DNAH9: variants seen among roughly 807,000 people sequenced by gnomAD.
DNAH9 encodes dynein axonemal heavy chain 9.
In DNAH9, 345 loss-of-function variants were observed where a neutral mutation model predicts 471.6. That is an observed-to-expected ratio of 0.73 (90% CI 0.67 to 0.80). The LOEUF (loss-of-function observed/expected upper bound fraction) is 0.80, where lower values mean the gene tolerates loss of function less well. Among genes scored for constraint, DNAH9 ranks in the 30% least tolerant of loss-of-function variants. The pLI is 0.00. For missense variants in DNAH9, 5,407 were observed against 5,609.2 expected (o/e 0.96, Z 1.15); for synonymous variants, 2,093 against 2,123.6 (o/e 0.99, Z 0.40).
intron 10 of DNAH9, among the ~76,000 whole-genome samples, chr17:11,643,268 CAT>C (rs1307324713): frequency 2.0e-5 from 3 of 152,200 alleles, no homozygotes; most frequent in African/African-American, 7.2e-5. Context: ...TGTGTTTACA[CAT>C]GTTATATGTA....
At chr17:11,894,262 T>C in intron 58 of DNAH9, 112 bp from the exon 59 acceptor site, 1 of 1,437,016 alleles carries the variant, frequency 7.0e-7, no homozygotes, top group Non-Finnish European at 9.5e-7. Context: ...CCAAAATTGA[T>C]GGGCAAACTA....
intron 57 of DNAH9, among the ~76,000 whole-genome samples, chr17:11,890,036 GA>G (rs1843249278): frequency 6.6e-6 from 1 of 152,166 alleles, no homozygotes; most frequent in South Asian, 2.1e-4. Context: ...TTAATATAAA[GA>G]AAACGCTAAA....
chr17:11,926,890 C>G (rs1486126597), intron 62 of DNAH9, among the ~76,000 whole-genome samples: 1 of 152,176 alleles, frequency 6.6e-6, no homozygotes, highest in East Asian at 1.9e-4. Context: ...TAAAAGGGTT[C>G]CTTTTTCTCC....
rs529159818 is a variant in DNAH9, at chr17:11,634,105, AC to A, written c.1635+1405del. Among the ~76,000 whole-genome samples the A allele has an allele frequency of 1.9e-3, 291 of 152,206 alleles. 1 individual carries two copies. The highest frequency in any genetic ancestry group is 4.2e-3 in the Admixed American group (64 of 15,294). ...CCTCTACTGAAGCAGCACTGCTTGT[AC>A]CCAGAGTTTCAGAGGGCTCATAAAA... On this transcript the variant is annotated intron_variant, in intron 8 of 68. Transcript: ENST00000262442.
chr17:11,941,849 T>C (rs190744724), intron 66 of DNAH9, among the ~76,000 whole-genome samples: 1 of 151,756 alleles, frequency 6.6e-6, no homozygotes, highest in Non-Finnish European at 1.5e-5. Context: ...TAGATAGATA[T>C]TGTATATAAC....
intron 11 of DNAH9, 121 bp from the exon 12 acceptor site, chr17:11,646,951 C>T (rs766097650): frequency 1.1e-4 from 106 of 933,526 alleles, no homozygotes; most frequent in Non-Finnish European, 1.6e-4. Flanking sequence ...CTCTCAGAAG[C>T]TGACCCAGCC....
chr17:11,851,663 AAGAG>A (rs1971425726), intron 49 of DNAH9, among the ~76,000 whole-genome samples: 1 of 152,156 alleles, frequency 6.6e-6, no homozygotes, highest in Non-Finnish European at 1.5e-5. Context: ...ACAGGGAAGG[AAGAG>A]AAAGTCCACA....
Position 11,883,746 on chromosome 17 carries a change from A to G in DNAH9, c.10967A>G (p.Lys3656Arg). 6.2e-7 allele frequency: 1 copy of G among 1,613,682 alleles called. No homozygotes were observed. The highest frequency in any genetic ancestry group is 2.2e-5 in the East Asian group (1 of 44,878). The change falls in exon 56 of 69, where the codon AAA (lysine) becomes AGA (arginine). Residue 3656 changes from lysine (K) to arginine (R), a missense_variant. Physicochemically the swap from Lys to Arg is conservative, Grantham distance 26. This residue lies in a region of DNAH9 where 4,636 missense variants were observed against 4,900.3 expected (regional missense o/e 0.95). Coordinates refer to ENST00000262442, the MANE Select transcript of DNAH9 (RefSeq NM_001372.4). ...ITKQTAAEVE[K>R]KVQEAKVTEV... is the part of the protein sequence containing the mutation. ...AAGCAGACTGCTGCCGAAGTTGAGA[A>G]AAAGGTAAAACTCCTCTGGCTAGTC...
At chr17:11,852,814 G>GTGTGTGTGTATATA (rs1169950713) in intron 49 of DNAH9, among the ~76,000 whole-genome samples, 3 of 92,684 alleles carry the variant, frequency 3.2e-5, no homozygotes, top group Non-Finnish European at 6.5e-5. Flanking sequence ...GTGTGTGTGT[G>GTGTGTGTGTATATA]TATATATATA....
At chr17:11,832,920 G>C (rs925986392) in intron 48 of DNAH9, among the ~76,000 whole-genome samples, 1 of 152,174 alleles carries the variant, frequency 6.6e-6, no homozygotes, top group Non-Finnish European at 1.5e-5. Context: ...CTTTGCATCT[G>C]AAAAGGCCAT....
chr17:11,694,214 C>G (rs1179320635), intron 21 of DNAH9, 107 bp from the exon 22 acceptor site: 6 of 1,339,936 alleles, frequency 4.5e-6, no homozygotes, highest in Non-Finnish European at 6.3e-6. Context: ...GTTTCTTGTG[C>G]TAATGCATAT....
rs563983188 is a variant in DNAH9, at chr17:11,731,405, T to TC, written c.5814+3483_5814+3484insC. ...GGTCTCACAGGTCTTCTCTTTTTTTTTTTAAATTATACTTTAAGTTTTAGG... is the reference window on the plus strand; with the variant it reads ...GGTCTCACAGGTCTTCTCTTTTTTTTCTTTAAATTATACTTTAAGTTTTAGG... On this transcript the variant is annotated intron_variant, in intron 28 of 68. Coordinates refer to ENST00000262442, the MANE Select transcript of DNAH9 (RefSeq NM_001372.4). Among the ~76,000 whole-genome samples the TC allele has an allele frequency of 7.7e-3, 1,171 of 151,664 alleles. 7 individuals are homozygous for TC. Among genetic ancestry groups the TC allele is most frequent in the Non-Finnish European group, 0.013 (858 of 67,864 alleles).
At chr17:11,683,605 G>A (rs1231164461) in intron 19 of DNAH9, among the ~76,000 whole-genome samples, 10 of 152,102 alleles carry the variant, frequency 6.6e-5, no homozygotes, top group Non-Finnish European at 1.2e-4. Flanking sequence ...TTCGAAATTC[G>A]GTATTCCTCC....
intron 50 of DNAH9, among the ~76,000 whole-genome samples, chr17:11,860,828 T>C (rs1408661733): frequency 6.6e-6 from 1 of 152,192 alleles, no homozygotes; most frequent in Non-Finnish European, 1.5e-5. Flanking sequence ...CTCAAAGTGC[T>C]GGGATTACAG....
intron 19 of DNAH9, among the ~76,000 whole-genome samples, chr17:11,686,801 AC>A (rs2074250025): frequency 6.6e-6 from 1 of 152,210 alleles, no homozygotes; most frequent in Non-Finnish European, 1.5e-5. Context: ...TTCCATGTGC[AC>A]CCCAAATAGC....
At chr17:11,657,116 T>A (rs1216670618) in intron 14 of DNAH9, among the ~76,000 whole-genome samples, 2 of 152,164 alleles carry the variant, frequency 1.3e-5, no homozygotes, top group Non-Finnish European at 2.9e-5. Context: ...AGTAGGCATA[T>A]GTTTAATGTG....
intron 67 of DNAH9, among the ~76,000 whole-genome samples, chr17:11,943,204 T>A (rs1336986889): frequency 1.3e-5 from 2 of 152,114 alleles, no homozygotes; most frequent in East Asian, 3.9e-4. Context: ...TACACTGGCT[T>A]GTTTATTAAA....
Position 11,784,412 on chromosome 17 carries a change from A to G in DNAH9, c.7934A>G (p.Gln2645Arg), listed in dbSNP as rs898541403. The G allele has an allele frequency of 5.0e-6, 8 of 1,614,090 alleles. No homozygotes were observed. Among genetic ancestry groups the G allele is most frequent in the Non-Finnish European group, 6.8e-6 (8 of 1,180,044 alleles). ...CTCGGAAACTTCCCGGCGTCCCTGC[A>G]GAAATCCATCCCCCCACTGATCGAT... ...LKLGNFPASLQKSIPPLIDLA... is the reference protein window; with the variant it reads ...LKLGNFPASLRKSIPPLIDLA... The change falls in exon 41 of 69, where the codon CAG becomes CGG. Residue 2645 changes from glutamine (Q) to arginine (R), a missense_variant. Around this residue, in one of 3 missense-constraint regions of DNAH9, gnomAD observed 4,636 missense variants for 4,900.3 expected, o/e 0.95. Coordinates refer to ENST00000262442, the MANE Select transcript of DNAH9 (RefSeq NM_001372.4).
At chr17:11,829,139 A>G (rs1970603232) in intron 48 of DNAH9, among the ~76,000 whole-genome samples, 1 of 152,192 alleles carries the variant, frequency 6.6e-6, no homozygotes, top group South Asian at 2.1e-4. Context: ...TCTAGTAAAA[A>G]TGGTATCTAT....
Sources: allele counts gnomAD v4.1 joint callset (sites outside exome capture counted in the v4.1 genomes callset), GRCh38; gene constraint gnomAD v4.1.1; regional missense constraint gnomAD v4.1.1; transcripts MANE v1.5; gene names NCBI Gene and HGNC (gene_info 2026-07-23, HGNC 2026-07-21).